The following MLLT10 variants were observed in gnomAD, a reference collection of about 807,000 sequenced individuals.
The protein encoded by MLLT10 is MLLT10 histone lysine methyltransferase DOT1L cofactor.
In MLLT10, 30 loss-of-function variants were observed where a neutral mutation model predicts 129.1. The ratio of observed to expected loss-of-function variants is 0.23; its 90% CI spans 0.17 to 0.32. MLLT10 has a LOEUF of 0.32. Ranked by LOEUF, MLLT10 falls within the 10% of genes least tolerant of loss-of-function variation. The probability of loss-of-function intolerance (pLI) is 1.00; values close to 1 mark genes in which losing one functional copy is unlikely to be tolerated. For missense variants in MLLT10, 1,119 were observed against 1,268.3 expected (o/e 0.88, Z 1.79); for synonymous variants, 490 against 446.4 (o/e 1.10, Z -1.23).
At position 21,639,258 on chromosome 10, in the gene MLLT10, G is replaced by T. The variant is rs556646351; in HGVS notation, c.700-12415G>T. ...CCCCACCAAGCAAGCTGTCAGTTTT[G>T]CAGCAGACATCATCTGCGTTTGGAC... On this transcript the variant is annotated intron_variant, in intron 8 of 22. Coordinates refer to ENST00000307729, the MANE Select transcript of MLLT10 (RefSeq NM_001195626.3). Among the ~76,000 whole-genome samples the T allele has an allele frequency of 4.6e-5, 7 of 152,316 alleles. No homozygotes were observed. The East Asian group carries it at 5.8e-4, about 13-fold the overall frequency.
intron 3 of MLLT10, among the ~76,000 whole-genome samples, chr10:21,563,632 G>T (rs537010100): frequency 6.6e-6 from 1 of 152,158 alleles, no homozygotes; most frequent in African/African-American, 2.4e-5. Flanking sequence ...CAGTTAAACT[G>T]CGTTTTGTTT....
chr10:21,548,335 T>C (rs1402038586), intron 3 of MLLT10, among the ~76,000 whole-genome samples: 2 of 152,106 alleles, frequency 1.3e-5, no homozygotes, highest in African/African-American at 4.8e-5. Context: ...TCATTCTGTT[T>C]TTCATGTCTT....
At chr10:21,682,387 C>G in intron 13 of MLLT10, 130 bp downstream of exon 13, 1 of 762,682 alleles carries the variant, frequency 1.3e-6, no homozygotes, top group South Asian at 2.7e-5. Context: ...GTCAATTGTT[C>G]AGCACCTTAG....
At chr10:21,600,368 AACACAC>A (rs199618726) in intron 5 of MLLT10, among the ~76,000 whole-genome samples, 81 of 144,642 alleles carry the variant, frequency 5.6e-4, no homozygotes, top group East Asian at 1.2e-3. Flanking sequence ...CCTGAGATAG[AACACAC>A]ACACACACAC....
At chr10:21,673,318 C>CCATTTTT in intron 10 of MLLT10, 32 bp from the exon 11 acceptor site, 1 of 307,342 alleles carries the variant, frequency 3.3e-6, no homozygotes, top group Non-Finnish European at 5.0e-6. Flanking sequence ...CACCCCCCAA[C>CCATTTTT]TTTTTTTTTT....
intron 3 of MLLT10, among the ~76,000 whole-genome samples, chr10:21,566,502 A>G (rs1156825654): frequency 2.0e-5 from 3 of 150,606 alleles, no homozygotes; most frequent in South Asian, 2.1e-4. Context: ...TAATTTTTAT[A>G]TTTTTAGTAG....
chr10:21,602,524 C>T (rs2043640234), intron 5 of MLLT10, among the ~76,000 whole-genome samples: 2 of 152,016 alleles, frequency 1.3e-5, no homozygotes, highest in African/African-American at 4.8e-5. Flanking sequence ...ATGTTAGTTG[C>T]AAAAAGTCTG....
At chr10:21,558,757 A>G (rs991160788) in intron 3 of MLLT10, among the ~76,000 whole-genome samples, 1 of 152,142 alleles carries the variant, frequency 6.6e-6, no homozygotes, top group Non-Finnish European at 1.5e-5. Flanking sequence ...TATTCCTCTC[A>G]GTTCCACAGT....
chr10:21,587,695 G>T (rs1395169313), intron 4 of MLLT10, among the ~76,000 whole-genome samples: 2 of 152,034 alleles, frequency 1.3e-5, no homozygotes, highest in African/African-American at 4.8e-5. Context: ...AGTAGTTTTG[G>T]CATAGGCTAG....
At chr10:21,732,827 C>A (rs2058071456) in intron 17 of MLLT10, 72 bp from the exon 18 acceptor site, 1 of 1,210,608 alleles carries the variant, frequency 8.3e-7, no homozygotes, top group Non-Finnish European at 1.1e-6. Flanking sequence ...TCTAAGGTTA[C>A]CGGCACTGCG....
intron 8 of MLLT10, among the ~76,000 whole-genome samples, chr10:21,638,670 C>G (rs1205394043): frequency 1.3e-5 from 2 of 152,156 alleles, no homozygotes; most frequent in African/African-American, 4.8e-5. Context: ...AAAAATAAAT[C>G]GTGTCTTTTC....
At chr10:21,706,199 T>A (rs574660418) in intron 13 of MLLT10, among the ~76,000 whole-genome samples, 2 of 152,346 alleles carry the variant, frequency 1.3e-5, no homozygotes, top group African/African-American at 4.8e-5. Context: ...GAAACCCCTC[T>A]CTCAATCCTA....
intron 3 of MLLT10, among the ~76,000 whole-genome samples, chr10:21,549,966 C>T (rs183201748): frequency 6.6e-6 from 1 of 152,234 alleles, no homozygotes; most frequent in East Asian, 1.9e-4. Context: ...ACTAATTGTC[C>T]TTGAGGCTCC....
intron 7 of MLLT10, among the ~76,000 whole-genome samples, chr10:21,615,648 A>G (rs553654955): frequency 6.6e-6 from 1 of 152,074 alleles, no homozygotes; most frequent in South Asian, 2.1e-4. Context: ...CTTAATTACT[A>G]TTACCCATTT....
At chr10:21,617,890 G>T (rs1349070335) in intron 8 of MLLT10, among the ~76,000 whole-genome samples, 1 of 152,098 alleles carries the variant, frequency 6.6e-6, no homozygotes, top group Non-Finnish European at 1.5e-5. Context: ...GAGCATGGTG[G>T]TGGGCGCCTG....
At chr10:21,701,995 C>T (rs1372681062) in intron 13 of MLLT10, among the ~76,000 whole-genome samples, 1 of 151,986 alleles carries the variant, frequency 6.6e-6, no homozygotes, top group Non-Finnish European at 1.5e-5. Flanking sequence ...GGCTTGATCT[C>T]AGCTCATGGC....
In MLLT10 at chr10:21,579,520, TTTTG is replaced by T. The variant is rs201570894; in HGVS notation, c.241-6762_241-6759del. ...AGGTCCCTGAAGCCCTGGTTTTTTT[TTTTG>T]TTTGTTTGTTTTACCTCTATTTCCT... On this transcript the variant is annotated intron_variant, in intron 3 of 22. Transcript: ENST00000307729. Among the ~76,000 whole-genome samples the T allele has an allele frequency of 8.6e-4, 131 of 151,994 alleles. 1 individual carries two copies. The East Asian group carries it at 0.02, about 24-fold the overall frequency.
At chr10:21,608,210 C>G (rs1353037770) in intron 5 of MLLT10, among the ~76,000 whole-genome samples, 1 of 151,376 alleles carries the variant, frequency 6.6e-6, no homozygotes, top group Non-Finnish European at 1.5e-5. Context: ...GCTCAGTTGC[C>G]CATGCTGGAG....
intron 3 of MLLT10, among the ~76,000 whole-genome samples, chr10:21,560,799 T>C (rs2038708388): frequency 6.6e-6 from 1 of 152,240 alleles, no homozygotes; most frequent in Non-Finnish European, 1.5e-5. Context: ...AGTGGTATCT[T>C]GTCGTTTTGA....
Sources: gnomAD v4.1 joint callset for allele counts (sites outside exome capture counted in the v4.1 genomes callset) on GRCh38, gnomAD v4.1.1 for gene constraint, MANE v1.5 for transcripts, NCBI Gene and HGNC (gene_info 2026-07-23, HGNC 2026-07-21) for gene names.